The following TRAM2 variants were observed in gnomAD, a reference collection of about 807,000 sequenced individuals.
The protein encoded by TRAM2 is translocating chain-associated membrane protein 2.
TRAM2 carries 12 observed loss-of-function variants against 51.0 expected under a neutral mutation model. That is an observed-to-expected ratio of 0.24 (90% CI 0.15 to 0.38). The LOEUF is 0.38. TRAM2 is among the 10% of genes least tolerant of loss of function. The pLI, the probability that TRAM2 is intolerant of heterozygous loss-of-function variation, is 1.00. For missense variants in TRAM2, 361 were observed against 462.0 expected (o/e 0.78, Z 2.00); for synonymous variants, 175 against 179.4 (o/e 0.98, Z 0.20).
Position 52,501,483 on chromosome 6 carries a change from C to T in TRAM2, c.*1714G>A, listed in dbSNP as rs917246789. 111 of 152,230 alleles carry T rather than the reference C, an allele frequency of 7.3e-4. 2 individuals are homozygous for T. The highest frequency in any genetic ancestry group is 7.2e-3 in the Admixed American group (110 of 15,274). The allele number at this position is 152,230 out of a possible 1,614,324, so 9.4% of individuals were successfully genotyped here. ...ATGACCAGTATTCCAAATGACACTACTATTCCTGCACCTACCAAGAACTAC... is the reference window on the plus strand; with the variant it reads ...ATGACCAGTATTCCAAATGACACTATTATTCCTGCACCTACCAAGAACTAC... On this transcript the variant is annotated 3_prime_UTR_variant, in exon 11 of 11. Transcript: ENST00000182527.
At chr6:52,559,996 T>C (rs1767471264) in intron 1 of TRAM2, among the ~76,000 whole-genome samples, 1 of 152,032 alleles carries the variant, frequency 6.6e-6, no homozygotes, top group Non-Finnish European at 1.5e-5. Flanking sequence ...ATCCTAACAC[T>C]TTGGGAAGCC....
chr6:52,523,728 CT>C (rs1766721071), intron 2 of TRAM2: 1 of 152,250 alleles, frequency 6.6e-6, no homozygotes, highest in Non-Finnish European at 1.5e-5. Context: ...CAGCTGGTAC[CT>C]GCTACAGTCA....
intron 5 of TRAM2, 80 bp downstream of exon 5, chr6:52,509,448 G>A (rs1420120597): frequency 2.8e-6 from 4 of 1,431,000 alleles, no homozygotes; most frequent in Non-Finnish European, 3.9e-6. Flanking sequence ...GGCCTGTGGT[G>A]TTCTGGCCAC....
rs1766339490 is a variant in TRAM2 at position 52,505,914 on chromosome 6, C to T, written c.731+118G>A. The stretch of plus-strand genomic sequence containing the variant: ...GTTCCAGAAAAAAATAACGGGAGGG[C>T]ACCACCTGCAGGTAAGCGGGCAGTG... On this transcript the variant is annotated intron_variant, in intron 8 of 10. Transcript: ENST00000182527. The T allele has an allele frequency of 1.4e-5, 19 of 1,384,960 alleles. 2 individuals carry two copies. Among genetic ancestry groups the T allele is most frequent in the Middle Eastern group, 4.3e-4 (2 of 4,652 alleles). The allele number at this position is 1,384,960 out of a possible 1,614,324, so 85.8% of individuals were successfully genotyped here.
intron 1 of TRAM2, among the ~76,000 whole-genome samples, chr6:52,564,855 C>T (rs781529418): frequency 7.2e-5 from 11 of 152,104 alleles, no homozygotes; most frequent in Non-Finnish European, 8.8e-5. Flanking sequence ...GGCTGGAAAG[C>T]GCGTTCTGAG....
chr6:52,558,398 T>C (rs960677058), intron 1 of TRAM2, among the ~76,000 whole-genome samples: 2 of 152,184 alleles, frequency 1.3e-5, no homozygotes, highest in African/African-American at 4.8e-5. Context: ...CCCATTAGAC[T>C]GAGCAGGGAG....
chr6:52,550,548 TTTTTTA>T (rs1275075699), intron 1 of TRAM2, among the ~76,000 whole-genome samples: 3 of 152,268 alleles, frequency 2.0e-5, no homozygotes, highest in East Asian at 1.9e-4. Flanking sequence ...ACTATTTTTA[TTTTTTA>T]TTTTTATTTT....
chr6:52,512,161 A>C (rs1344010772), intron 4 of TRAM2, among the ~76,000 whole-genome samples: 1 of 152,204 alleles, frequency 6.6e-6, no homozygotes, highest in African/African-American at 2.4e-5. Flanking sequence ...TCTGAAACTG[A>C]GGTGGGAGAG....
Position 52,503,266 on chromosome 6 carries a change from G to A in TRAM2, c.1044C>T (p.Tyr348=). 6 of 1,613,928 alleles carry A rather than the reference G, an allele frequency of 3.7e-6. No homozygotes were observed. The highest frequency in any genetic ancestry group is 5.1e-6 in the Non-Finnish European group (6 of 1,179,846). Residue 348 remains tyrosine (Y), a synonymous_variant, in exon 11 of 11, where the codon TAC becomes TAT. Transcript: ENST00000182527. ...CTGCCTTCACCACTCCATTTTCATG[G>A]TAACCTGGGAAGTGGAGAGAGACAA... is the stretch of plus-strand genomic sequence containing the variant. ...PARLIKRESG[Y]HENGVVKAEN...
intron 2 of TRAM2, among the ~76,000 whole-genome samples, chr6:52,520,521 T>C (rs183455038): frequency 6.6e-6 from 1 of 152,358 alleles, no homozygotes; most frequent in East Asian, 1.9e-4. Flanking sequence ...GCTACGCGGA[T>C]GGATTCTCAA....
At chr6:52,542,395 C>T (rs1767119129) in intron 1 of TRAM2, among the ~76,000 whole-genome samples, 1 of 152,014 alleles carries the variant, frequency 6.6e-6, no homozygotes, top group Admixed American at 6.6e-5. Flanking sequence ...AGCCCCTCCA[C>T]TGCTCGATAA....
intron 2 of TRAM2, among the ~76,000 whole-genome samples, chr6:52,519,747 C>T (rs995527644): frequency 6.6e-6 from 1 of 151,624 alleles, no homozygotes; most frequent in African/African-American, 2.4e-5. Context: ...CGCAGGTGTC[C>T]ATGGATTGAT....
intron 1 of TRAM2, among the ~76,000 whole-genome samples, chr6:52,555,447 G>A (rs915398426): frequency 3.9e-5 from 6 of 152,032 alleles, no homozygotes; most frequent in Admixed American, 2.6e-4. Flanking sequence ...AGATATAAGC[G>A]TGGAGAAAAA....
chr6:52,567,832 G>A (rs1248153094), intron 1 of TRAM2, among the ~76,000 whole-genome samples: 2 of 152,134 alleles, frequency 1.3e-5, no homozygotes, highest in African/African-American at 4.8e-5. Context: ...CTAGAATCTG[G>A]TTTCAACTCA....
At chr6:52,516,803 G>C in intron 2 of TRAM2, 66 bp from the exon 3 acceptor site, 1 of 1,261,708 alleles carries the variant, frequency 7.9e-7, no homozygotes, top group Non-Finnish European at 1.2e-6. Flanking sequence ...ACCCAAAACT[G>C]AAATGAGATG....
At chr6:52,535,751 G>A in intron 2 of TRAM2, 32 bp downstream of exon 2, 1 of 1,589,516 alleles carries the variant, frequency 6.3e-7, no homozygotes, top group Non-Finnish European at 8.6e-7. Flanking sequence ...GGTTAACAGG[G>A]CCAGGAGAAG....
intron 2 of TRAM2, chr6:52,529,755 A>G (rs533953790): frequency 6.6e-6 from 1 of 152,384 alleles, no homozygotes; most frequent in African/African-American, 2.4e-5. Context: ...AATTCAGCAA[A>G]TTAGTAGCAC....
intron 10 of TRAM2, 91 bp from the exon 11 acceptor site, chr6:52,503,361 C>CG: frequency 1.7e-6 from 2 of 1,188,456 alleles, no homozygotes; most frequent in Non-Finnish European, 2.5e-6. Context: ...GGAAGGGGCC[C>CG]GGGCAGCCCA....
chr6:52,520,716 A>G (rs1282513933), intron 2 of TRAM2, among the ~76,000 whole-genome samples: 1 of 152,164 alleles, frequency 6.6e-6, no homozygotes, highest in Non-Finnish European at 1.5e-5. Flanking sequence ...CCTAGAACCC[A>G]GCCACCAAAT....
Sources: gnomAD v4.1 joint callset for allele counts (sites outside exome capture counted in the v4.1 genomes callset) on GRCh38, gnomAD v4.1.1 for gene constraint, MANE v1.5 for transcripts, NCBI Gene and HGNC (gene_info 2026-07-23, HGNC 2026-07-21) for gene names.